ABCA12: variants seen among roughly 807,000 people sequenced by gnomAD.
ABCA12 encodes glucosylceramide transporter ABCA12.
A neutral mutation model predicts 293.5 loss-of-function variants in ABCA12; 156 were observed. The ratio of observed to expected loss-of-function variants is 0.53; its 90% confidence interval spans 0.47 to 0.61. The LOEUF is 0.61. ABCA12 is among the 20% of genes least tolerant of loss of function. The pLI is 0.00. For synonymous variants in ABCA12, 1,063 were observed against 1,108.0 expected, an observed-to-expected ratio of 0.96 and a Z score of 0.81; for missense variants, 2,797 against 3,090.2, an observed-to-expected ratio of 0.91 and a Z score of 2.25.
At chr2:214,952,510 C>T (rs1480852102) in intron 44 of ABCA12, among the ~76,000 whole-genome samples, 1 of 152,050 alleles carries the variant, frequency 6.6e-6, no homozygotes, top group Non-Finnish European at 1.5e-5. Context: ...CGTGAGCCAC[C>T]GCACCTTATA....
At chr2:215,022,009 T>C (rs1700640661) in intron 11 of ABCA12, 2 of 152,162 alleles carry the variant, frequency 1.3e-5, no homozygotes, top group Non-Finnish European at 2.9e-5. Flanking sequence ...CTCTAGTCTT[T>C]CTTTTGATTT....
chr2:214,982,510 C>T, intron 29 of ABCA12, 127 bp from the exon 30 acceptor site: 2 of 696,256 alleles, frequency 2.9e-6, no homozygotes, highest in South Asian at 1.9e-5. Context: ...GTACAATAAA[C>T]TCTTGAGGAT....
intron 5 of ABCA12, 65 bp downstream of exon 5, chr2:215,052,422 C>G: frequency 7.5e-7 from 1 of 1,324,662 alleles, no homozygotes; most frequent in Non-Finnish European, 1.1e-6. Flanking sequence ...TTTGAGAGAT[C>G]CTTCTATTAA....
At chr2:214,951,206 T>A (rs1698758309) in intron 44 of ABCA12, 123 bp from the exon 45 acceptor site, 6 of 867,366 alleles carry the variant, frequency 6.9e-6, no homozygotes, top group Middle Eastern at 2.9e-4. Flanking sequence ...TTCTTTTACA[T>A]TTGTAATGAA....
At chr2:215,048,144 G>C (rs1297466952) in intron 6 of ABCA12, among the ~76,000 whole-genome samples, 1 of 151,966 alleles carries the variant, frequency 6.6e-6, no homozygotes, top group Non-Finnish European at 1.5e-5. Flanking sequence ...AGTCAGAATG[G>C]CTATTAAAAA....
chr2:215,110,977 C>A (rs981308603), intron 2 of ABCA12, among the ~76,000 whole-genome samples: 3 of 152,218 alleles, frequency 2.0e-5, no homozygotes, highest in Non-Finnish European at 2.9e-5. Context: ...AACCCTCATC[C>A]CCCTCAGTTC....
intron 9 of ABCA12, among the ~76,000 whole-genome samples, chr2:215,030,764 T>G (rs909474572): frequency 3.3e-5 from 5 of 152,152 alleles, no homozygotes; most frequent in African/African-American, 4.8e-5. Context: ...ATGCAAGGAT[T>G]TTGGCCAGAA....
chr2:215,090,704 C>A (rs1702125257), intron 2 of ABCA12, among the ~76,000 whole-genome samples: 1 of 152,150 alleles, frequency 6.6e-6, no homozygotes, highest in Non-Finnish European at 1.5e-5. Context: ...GGATGCCTGT[C>A]TTGATCCTTC....
At chr2:214,956,872 T>G (rs905589971) in intron 41 of ABCA12, 94 bp from the exon 42 acceptor site, 1 of 805,998 alleles carries the variant, frequency 1.2e-6, no homozygotes, top group Admixed American at 2.2e-5. Context: ...CTGCAACAAG[T>G]TGACCTAGAA....
intron 2 of ABCA12, among the ~76,000 whole-genome samples, chr2:215,076,450 A>G (rs551566988): frequency 6.6e-6 from 1 of 152,322 alleles, no homozygotes; most frequent in African/African-American, 2.4e-5. Context: ...TACTTCAGCA[A>G]AATACACAGG....
intron 3 of ABCA12, among the ~76,000 whole-genome samples, chr2:215,055,556 A>C (rs757484389): frequency 6.6e-6 from 1 of 152,106 alleles, no homozygotes; most frequent in East Asian, 1.9e-4. Context: ...TTATGTAGTT[A>C]TTTATAAAAA....
Position 215,034,899 on chromosome 2 carries a change from G to A in ABCA12, c.985+2054C>T, listed in dbSNP as rs145447466. Among the ~76,000 whole-genome samples the A allele has an allele frequency of 8.7e-4, 133 of 152,248 alleles. 1 individual carries two copies. The East Asian group carries it at 0.022, about 26-fold the overall frequency. ...AACCTATCTTAACCATTATATTAGA[G>A]AGAATCCAAGCAACTCTGCTATGAG... is the stretch of plus-strand genomic sequence containing the variant. On this transcript the variant is annotated intron_variant, in intron 8 of 52. Transcript: ENST00000272895.
chr2:215,000,952 G>A lies in ABCA12; in HGVS notation c.2932C>T (p.Pro978Ser). 3.1e-6 allele frequency: 5 copies of A among 1,613,970 alleles called. No homozygotes were observed. Among genetic ancestry groups the A allele is most frequent in the Non-Finnish European group, 4.2e-6 (5 of 1,179,962 alleles). The part of the protein sequence containing the change: ...RGYDSGNVFL[P>S]PVIKYTIRMS... ...CGGATGGTATATTTTATGACAGGAG[G>A]AAGAAAGACATTTCCAGAGTCATAG... The change falls in exon 22 of 53, where the codon CCT (proline) becomes TCT (serine). Residue 978 changes from proline to serine, a missense_variant. Transcript: ENST00000272895.
intron 1 of ABCA12, among the ~76,000 whole-genome samples, chr2:215,125,962 A>G (rs1575060636): frequency 1.3e-5 from 2 of 152,260 alleles, no homozygotes; most frequent in South Asian, 4.1e-4. Context: ...ACATTAAGGT[A>G]TGTCCCTTGT....
At position 214,968,758 on chromosome 2, in the gene ABCA12, C is replaced by G. The variant is rs139632435; in HGVS notation, c.5740G>C (p.Asp1914His). ...GLPLTKDLRF[D>H]ITGVPANRTL... Reference sequence around the variant, plus strand: ...CTATTGGCAGGGACTCCTGTTATATCAAAACGAAGGTCTTTTGTCAAAGGC... The same window carrying G: ...CTATTGGCAGGGACTCCTGTTATATGAAAACGAAGGTCTTTTGTCAAAGGC... The change falls in exon 38 of 53, where the codon GAT becomes CAT. Residue 1914 changes from aspartate to histidine, a missense_variant. Transcript: ENST00000272895. The G allele has an allele frequency of 6.2e-7, 1 of 1,613,300 alleles. No homozygotes were observed. Among genetic ancestry groups the G allele is most frequent in the African/African-American group, 1.3e-5 (1 of 75,004 alleles).
Position 214,932,672 on chromosome 2 carries a change from T to G in ABCA12, c.7750A>C (p.Ile2584Leu), listed in dbSNP as rs371138932. Residue 2584 changes from isoleucine to leucine, a missense_variant, in exon 53 of 53, where the codon ATA (isoleucine) becomes CTA (leucine). Transcript: ENST00000272895. ...TADTSSQGST[I>L]SVDSQDDQME... Reference sequence around the variant, plus strand: ...TGGTCATCTTGTGAGTCAACACTTATAGTGGAACCTTGGCTGCTGGTATCA... The same window carrying G: ...TGGTCATCTTGTGAGTCAACACTTAGAGTGGAACCTTGGCTGCTGGTATCA... 121 of 1,613,600 alleles carry G rather than the reference T, an allele frequency of 7.5e-5. No individual in the cohort carries two copies. The highest frequency in any genetic ancestry group is 9.6e-5 in the Non-Finnish European group (113 of 1,179,772).
At chr2:214,967,560 G>T (rs985946206) in intron 38 of ABCA12, among the ~76,000 whole-genome samples, 1 of 152,132 alleles carries the variant, frequency 6.6e-6, no homozygotes, top group South Asian at 2.1e-4. Flanking sequence ...GATTTTGAGA[G>T]AAATGATTTT....
intron 2 of ABCA12, among the ~76,000 whole-genome samples, chr2:215,102,246 A>G (rs1037119238): frequency 9.9e-5 from 15 of 152,228 alleles, no homozygotes; most frequent in African/African-American, 3.6e-4. Flanking sequence ...AAATCTATAA[A>G]CATTTAAAAA....
intron 17 of ABCA12, 102 bp downstream of exon 17, chr2:215,011,337 G>A (rs1440842661): frequency 1.1e-6 from 1 of 882,058 alleles, no homozygotes; most frequent in East Asian, 2.6e-5. Context: ...TTATTCTTGG[G>A]GAAAATTAAT....
Sources: allele counts gnomAD v4.1 joint callset (sites outside exome capture counted in the v4.1 genomes callset), GRCh38; gene constraint gnomAD v4.1.1; transcripts MANE v1.5; gene names NCBI Gene and HGNC (gene_info 2026-07-23, HGNC 2026-07-21).